The following PIP4K2B variants were observed in gnomAD, a reference collection of about 807,000 sequenced individuals.
PIP4K2B encodes phosphatidylinositol 5-phosphate 4-kinase type-2 beta.
In PIP4K2B, 3 loss-of-function variants were observed where a neutral mutation model predicts 42.0. The observed-to-expected ratio is 0.07, with a 90% CI of 0.03 to 0.18. The LOEUF (loss-of-function observed/expected upper bound fraction) is 0.18. Ranked by LOEUF, PIP4K2B falls within the 10% of genes least tolerant of loss-of-function variation. PIP4K2B has a pLI of 1.00. For synonymous variants in PIP4K2B, 204 were observed against 210.1 expected, an observed-to-expected ratio of 0.97 and a Z score of 0.25; for missense variants, 332 against 562.3, an observed-to-expected ratio of 0.59 and a Z score of 4.14.
intron 3 of PIP4K2B, among the ~76,000 whole-genome samples, chr17:38,783,853 G>C (rs1909845416): frequency 6.6e-6 from 1 of 152,156 alleles, no homozygotes; most frequent in Non-Finnish European, 1.5e-5. Context: ...TACCTGCCTT[G>C]GCCTCCCAAA....
rs906752499 is a variant in PIP4K2B, at chr17:38,779,711, C to T, written c.508-182G>A. ...CAGGCTTAAAATGGGCAACAGCCACCTCCAGCCTCCTGTTGGCATGGCAGA... is the reference window on the plus strand; with the variant it reads ...CAGGCTTAAAATGGGCAACAGCCACTTCCAGCCTCCTGTTGGCATGGCAGA... On this transcript the variant is annotated intron_variant, in intron 4 of 9. Coordinates refer to ENST00000619039, the MANE Select transcript of PIP4K2B (RefSeq NM_003559.5). 6 of 550,760 alleles carry T rather than the reference C, an allele frequency of 1.1e-5. No homozygotes were observed. In the African/African-American group the frequency reaches 1.1e-4, roughly 10 times the overall value. 34.1% of individuals were successfully genotyped at this position (550,760 alleles called of 1,614,324 possible).
At position 38,794,488 on chromosome 17, in the gene PIP4K2B, A is replaced by G. The variant is rs1910515503; in HGVS notation, c.159+4778T>C. ...ATCTTATGTTAAATGTTCTGACCAC[A>G]ATACAATTAAAAAAAAAAAAAGAAG... is the stretch of plus-strand genomic sequence containing the variant. On this transcript the variant is annotated intron_variant, in intron 1 of 9. Coordinates refer to ENST00000619039, the MANE Select transcript of PIP4K2B (RefSeq NM_003559.5). Among the ~76,000 whole-genome samples the G allele has an allele frequency of 2.7e-5, 4 of 146,462 alleles. No homozygotes were observed. In the South Asian group the frequency reaches 8.5e-4, roughly 31 times the overall value.
chr17:38,795,111 AAAAAAAAAAAAAAG>A (rs1338660078), intron 1 of PIP4K2B, among the ~76,000 whole-genome samples: 1 of 150,504 alleles, frequency 6.6e-6, no homozygotes, highest in Non-Finnish European at 1.5e-5. Flanking sequence ...AAAAAAAAAA[AAAAAAAAAAAAAAG>A]AAAAATGAAA....
In PIP4K2B at chr17:38,767,453, TCAGAAAAA is replaced by T. The variant is rs1278066806; in HGVS notation, c.*2230_*2237del. ...TGTTATGACCCAGTCAACAATACTG[TCAGAAAAA>T]CAAAAAGCATTTGAAACAGAATGCT... On this transcript the variant is annotated 3_prime_UTR_variant, in exon 10 of 10. Transcript: ENST00000619039. 6.6e-6 allele frequency: 1 copy of T among 151,576 alleles called. No individual in the cohort carries two copies. Among genetic ancestry groups the T allele is most frequent in the Non-Finnish European group, 1.5e-5 (1 of 67,898 alleles). The allele number at this position is 151,576 out of a possible 1,614,324, so 9.4% of individuals were successfully genotyped here.
intron 2 of PIP4K2B, among the ~76,000 whole-genome samples, chr17:38,786,157 A>G (rs1031033719): frequency 6.6e-6 from 1 of 152,232 alleles, no homozygotes; most frequent in African/African-American, 2.4e-5. Flanking sequence ...ACCAGGATTC[A>G]CATGCAGAAA....
rs1170038854 is a variant in PIP4K2B, at chr17:38,781,587, G to A, written c.355-983C>T. Among the ~76,000 whole-genome samples the A allele has an allele frequency of 2.6e-5, 4 of 152,150 alleles. No individual in the cohort carries two copies. In the South Asian group the frequency reaches 8.3e-4, roughly 32 times the overall value. ...GCTGGAGTACAGTGGTGAGATCTCA[G>A]CTCACTGCAGCCTCTACCTCCTGGG... On this transcript the variant is annotated intron_variant, in intron 3 of 9. Transcript: ENST00000619039.
rs573896366 is a variant in PIP4K2B, at chr17:38,785,026, C to T, written c.258-687G>A. On this transcript the variant is annotated intron_variant, in intron 2 of 9. Transcript: ENST00000619039. ...CACTTACAGGAAGCCCTGCCCTGGG[C>T]TTCCACTGGGACGTAGGAAAAGAGT... Among the ~76,000 whole-genome samples, 8 of 152,312 alleles carry T rather than the reference C, an allele frequency of 5.3e-5. No homozygotes were observed. In the East Asian group the frequency reaches 1.5e-3, roughly 29 times the overall value.
At position 38,779,193 on chromosome 17, in the gene PIP4K2B, T is replaced by C. The variant is rs1669004016; in HGVS notation, c.654+190A>G. On this transcript the variant is annotated intron_variant, in intron 5 of 9. Transcript: ENST00000619039. ...TATGGCACATTTAGGGCTTAAATAA[T>C]CTCCTGTTACTGTCACCTGGACTTC... Among the ~76,000 whole-genome samples the C allele has an allele frequency of 2.6e-5, 4 of 152,142 alleles. 1 individual carries two copies. The South Asian group carries it at 8.3e-4, about 32-fold the overall frequency.
intron 1 of PIP4K2B, among the ~76,000 whole-genome samples, chr17:38,788,768 T>C (rs1033029841): frequency 1.9e-4 from 29 of 151,948 alleles, no homozygotes; most frequent in African/African-American, 7.0e-4. Flanking sequence ...CTGGCCAATA[T>C]GGTGAAACCC....
rs2143384762 is a variant in PIP4K2B, at chr17:38,779,509, G to A, written c.528C>T (p.Gly176=). ...CCAGGAACTGTGGCAAAAGCGTGTT[G>A]CCATGACACTCCACTATAAACTAGA... ...KYHQFIVECH[G]NTLLPQFLGM... is the part of the protein sequence containing the mutation. Residue 176 remains glycine, a synonymous_variant, in exon 5 of 10, where the codon GGC becomes GGT. Transcript: ENST00000619039. 1 of 1,613,930 alleles carries A rather than the reference G, an allele frequency of 6.2e-7. No homozygotes were observed. Among genetic ancestry groups the A allele is most frequent in the Non-Finnish European group, 8.5e-7 (1 of 1,179,778 alleles).
Position 38,769,266 on chromosome 17 carries a change from G to A in PIP4K2B, c.*425C>T, listed in dbSNP as rs1908876688. On this transcript the variant is annotated 3_prime_UTR_variant, in exon 10 of 10. Transcript: ENST00000619039. ...TTAATTGAAGGGAACTGAGAGCTCAGCAAAGATGGGGAGGGTGGGTAGGCT... is the reference window on the plus strand; with the variant it reads ...TTAATTGAAGGGAACTGAGAGCTCAACAAAGATGGGGAGGGTGGGTAGGCT... 5.5e-6 allele frequency: 1 copy of A among 182,112 alleles called. No individual in the cohort carries two copies. Among genetic ancestry groups the A allele is most frequent in the Admixed American group, 5.6e-5 (1 of 17,828 alleles). 11.3% of individuals were successfully genotyped at this position (182,112 alleles called of 1,614,324 possible). A position where few individuals can be genotyped will look rare whatever the true frequency, so the allele number is the denominator to read the frequency against.
At chr17:38,795,220 G>A (rs1910591033) in intron 1 of PIP4K2B, among the ~76,000 whole-genome samples, 1 of 150,650 alleles carries the variant, frequency 6.6e-6, no homozygotes, top group Admixed American at 6.6e-5. Context: ...AAGAATTCTT[G>A]TAACTCAATA....
chr17:38,782,013 T>G (rs545957351), intron 3 of PIP4K2B, among the ~76,000 whole-genome samples: 13 of 152,088 alleles, frequency 8.5e-5, no homozygotes, highest in Admixed American at 2.0e-4. Flanking sequence ...CCCTAATACC[T>G]CCTCAGAAAA....
At chr17:38,787,549 C>T (rs956417854) in intron 1 of PIP4K2B, among the ~76,000 whole-genome samples, 2 of 152,144 alleles carry the variant, frequency 1.3e-5, no homozygotes, top group African/African-American at 4.8e-5. Context: ...GCCTATAAAC[C>T]TCACCTGCTA....
At chr17:38,780,816 C>G (rs1174043990) in intron 3 of PIP4K2B, among the ~76,000 whole-genome samples, 1 of 152,200 alleles carries the variant, frequency 6.6e-6, no homozygotes, top group Non-Finnish European at 1.5e-5. Context: ...TCCTTACCAC[C>G]TGCTCTTCAT....
At chr17:38,789,052 G>C (rs35305559) in intron 1 of PIP4K2B, among the ~76,000 whole-genome samples, 27 of 152,162 alleles carry the variant, frequency 1.8e-4, no homozygotes, top group African/African-American at 6.0e-4. Flanking sequence ...CCAGGAGTTT[G>C]AGGTTACAGT....
intron 1 of PIP4K2B, among the ~76,000 whole-genome samples, chr17:38,788,161 C>T (rs1910137308): frequency 6.6e-6 from 1 of 150,822 alleles, no homozygotes; most frequent in Non-Finnish European, 1.5e-5. Context: ...ACTCATATCC[C>T]CAAGGTAATA....
At chr17:38,795,596 CAA>C (rs1910614569) in intron 1 of PIP4K2B, among the ~76,000 whole-genome samples, 1 of 151,272 alleles carries the variant, frequency 6.6e-6, no homozygotes, top group Non-Finnish European at 1.5e-5. Context: ...ACTAAGAATA[CAA>C]AAGTTAGCTG....
chr17:38,781,241 G>A (rs954370465), intron 3 of PIP4K2B, among the ~76,000 whole-genome samples: 3 of 151,994 alleles, frequency 2.0e-5, no homozygotes, highest in Non-Finnish European at 2.9e-5. Context: ...GCAAGGCTGG[G>A]AGGCAGTTTT....
Sources: gnomAD v4.1 joint callset for allele counts (sites outside exome capture counted in the v4.1 genomes callset) on GRCh38, gnomAD v4.1.1 for gene constraint, MANE v1.5 for transcripts, NCBI Gene and HGNC (gene_info 2026-07-23, HGNC 2026-07-21) for gene names.